Variants in NMNAT2 observed in about 807,000 individuals in gnomAD.
The protein encoded by NMNAT2 is nicotinamide nucleotide adenylyltransferase 2.
NMNAT2 carries 11 observed loss-of-function variants against 41.6 expected under a neutral mutation model. The observed-to-expected ratio is 0.26, with a 90% CI of 0.17 to 0.44. The LOEUF (loss-of-function observed/expected upper bound fraction) is 0.44. Among genes scored for constraint, NMNAT2 ranks in the 20% least tolerant of loss-of-function variants. The probability of loss-of-function intolerance (pLI) is 1.00; values close to 1 mark genes in which losing one functional copy is unlikely to be tolerated. For missense variants in NMNAT2, 288 were observed against 407.7 expected, an observed-to-expected ratio of 0.71 and a Z score of 2.53; for synonymous variants, 148 against 151.2, an observed-to-expected ratio of 0.98 and a Z score of 0.16.
intron 1 of NMNAT2, among the ~76,000 whole-genome samples, chr1:183,365,609 T>A (rs970211449): frequency 1.3e-5 from 2 of 151,960 alleles, no homozygotes; most frequent in African/African-American, 4.8e-5. Flanking sequence ...ATACAAAAAA[T>A]TAGCTAGGCA....
chr1:183,283,828 C>G (rs1462853476), intron 7 of NMNAT2, 167 bp downstream of exon 7: 1 of 696,326 alleles, frequency 1.4e-6, no homozygotes, highest in Non-Finnish European at 2.6e-6. Flanking sequence ...TTAAAGGGAG[C>G]TAACTACGAA....
chr1:183,416,920 G>A (rs1649269830), intron 1 of NMNAT2, among the ~76,000 whole-genome samples: 1 of 152,132 alleles, frequency 6.6e-6, no homozygotes. Context: ...GCTCCGGCGC[G>A]CCCTGCATTT....
chr1:183,371,768 CTGTTTGTTTGTTTTT>C (rs1038735809), intron 1 of NMNAT2, among the ~76,000 whole-genome samples: 3 of 151,960 alleles, frequency 2.0e-5, no homozygotes, highest in South Asian at 2.1e-4. Flanking sequence ...TTTTTTGTTT[CTGTTTGTTTGTTTTT>C]TGTTTGTTTG....
chr1:183,348,069 C>T (rs1446739283), intron 1 of NMNAT2, among the ~76,000 whole-genome samples: 1 of 152,158 alleles, frequency 6.6e-6, no homozygotes, highest in Non-Finnish European at 1.5e-5. Context: ...TGACTGCCTT[C>T]CTTTAAAAGA....
At chr1:183,305,112 T>C (rs1661965791) in intron 1 of NMNAT2, among the ~76,000 whole-genome samples, 4 of 152,150 alleles carry the variant, frequency 2.6e-5, no homozygotes, top group Admixed American at 2.6e-4. Flanking sequence ...AGCCTTTTTT[T>C]TTTTTTTGGT....
At chr1:183,417,607 C>T (rs755666356) in intron 1 of NMNAT2, among the ~76,000 whole-genome samples, 6 of 152,202 alleles carry the variant, frequency 3.9e-5, no homozygotes, top group South Asian at 4.1e-4. Context: ...CAATACACGG[C>T]CCACAATTCC....
intron 1 of NMNAT2, among the ~76,000 whole-genome samples, chr1:183,386,226 G>C (rs1182448224): frequency 6.6e-6 from 1 of 152,012 alleles, no homozygotes; most frequent in South Asian, 2.1e-4. Flanking sequence ...TGTGAACAAA[G>C]GTATCACAAG....
intron 1 of NMNAT2, among the ~76,000 whole-genome samples, chr1:183,294,332 C>T (rs1210078241): frequency 3.9e-5 from 6 of 152,072 alleles, no homozygotes; most frequent in African/African-American, 7.2e-5. Context: ...TTGGTTGAGA[C>T]GAAAAATTTG....
At chr1:183,302,438 G>A (rs1661880475) in intron 1 of NMNAT2, among the ~76,000 whole-genome samples, 1 of 152,172 alleles carries the variant, frequency 6.6e-6, no homozygotes, top group Admixed American at 6.5e-5. Context: ...GCAGAGAAGA[G>A]GAAGGTGTTA....
chr1:183,352,966 G>C (rs1012561014), intron 1 of NMNAT2, among the ~76,000 whole-genome samples: 1 of 152,210 alleles, frequency 6.6e-6, no homozygotes, highest in Non-Finnish European at 1.5e-5. Flanking sequence ...GGAATATGAA[G>C]AGGGGGTCAG....
At chr1:183,305,549 A>T (rs577621414) in intron 1 of NMNAT2, among the ~76,000 whole-genome samples, 2 of 152,170 alleles carry the variant, frequency 1.3e-5, no homozygotes, top group African/African-American at 4.8e-5. Context: ...GACTTTATCC[A>T]GGAGATAGCT....
intron 8 of NMNAT2, among the ~76,000 whole-genome samples, chr1:183,275,390 G>C (rs1314415401): frequency 6.6e-6 from 1 of 152,064 alleles, no homozygotes; most frequent in African/African-American, 2.4e-5. Context: ...ATCAGCTGTG[G>C]GTTGAGGCAG....
At chr1:183,351,177 G>A (rs921680891) in intron 1 of NMNAT2, among the ~76,000 whole-genome samples, 4 of 152,148 alleles carry the variant, frequency 2.6e-5, no homozygotes, top group African/African-American at 9.7e-5. Context: ...ATTATAATAG[G>A]AGTTTTCTGG....
chr1:183,395,291 C>G (rs1648606142), intron 1 of NMNAT2, among the ~76,000 whole-genome samples: 1 of 151,744 alleles, frequency 6.6e-6, no homozygotes, highest in African/African-American at 2.4e-5. Flanking sequence ...GCCTCTATCA[C>G]CTTTTCTACC....
chr1:183,277,105 A>G (rs1477686832), intron 8 of NMNAT2, among the ~76,000 whole-genome samples: 1 of 152,180 alleles, frequency 6.6e-6, no homozygotes, highest in Non-Finnish European at 1.5e-5. Flanking sequence ...CTTTCAAAAC[A>G]ATACCATTTA....
At chr1:183,325,934 G>T (rs12045638) in intron 1 of NMNAT2, among the ~76,000 whole-genome samples, 11,539 of 152,240 alleles carry the variant, frequency 0.076, 497 homozygotes, top group Admixed American at 0.11. Flanking sequence ...CATGGTCCCT[G>T]CCATGTCCCT....
At chr1:183,305,048 G>A (rs997143789) in intron 1 of NMNAT2, among the ~76,000 whole-genome samples, 26 of 150,594 alleles carry the variant, frequency 1.7e-4, no homozygotes, top group African/African-American at 6.1e-4. Context: ...TTCCCATCCC[G>A]CATCCTTTCC....
At chr1:183,273,906 C>T (rs184317047) in intron 8 of NMNAT2, among the ~76,000 whole-genome samples, 12 of 127,532 alleles carry the variant, frequency 9.4e-5, no homozygotes, top group Admixed American at 8.4e-4. Context: ...TTCCCTTCCT[C>T]CCTCCCTCCC....
chr1:183,372,263 A>G (rs989249313), intron 1 of NMNAT2, among the ~76,000 whole-genome samples: 8 of 152,372 alleles, frequency 5.3e-5, no homozygotes, highest in African/African-American at 1.9e-4. Context: ...AATTAGAAGC[A>G]GAGGCTATCC....
Sources: allele counts gnomAD v4.1 joint callset (sites outside exome capture counted in the v4.1 genomes callset), GRCh38; gene constraint gnomAD v4.1.1; transcripts MANE v1.5; gene names NCBI Gene and HGNC (gene_info 2026-07-23, HGNC 2026-07-21).